Variants in CSMD1 observed in about 807,000 individuals in gnomAD.
CSMD1 encodes CUB and sushi domain-containing protein 1.
Under a neutral mutation model 417.5 loss-of-function variants are expected in CSMD1, and 213 were observed. That is an observed-to-expected ratio of 0.51 (90% CI 0.46 to 0.57). The LOEUF (loss-of-function observed/expected upper bound fraction) is 0.57, where lower values mean the gene tolerates loss of function less well. Among genes scored for constraint, CSMD1 ranks in the 20% least tolerant of loss-of-function variants. The pLI is 0.00. For synonymous variants in CSMD1, 2,862 were observed against 1,736.8 expected, an observed-to-expected ratio of 1.65 and a Z score of -16.11; for missense variants, 6,923 against 4,529.7, an observed-to-expected ratio of 1.53 and a Z score of -15.17.
chr8:3,613,788 T>C (rs1212093719), intron 8 of CSMD1, among the ~76,000 whole-genome samples: 2 of 150,986 alleles, frequency 1.3e-5, no homozygotes, highest in Non-Finnish European at 3.0e-5. Context: ...ATAAAGGGCA[T>C]CTATGAAAAA....
chr8:4,073,711 A>T (rs1312148244), intron 3 of CSMD1, among the ~76,000 whole-genome samples: 2 of 152,142 alleles, frequency 1.3e-5, no homozygotes. Flanking sequence ...ACATGCAAAT[A>T]TTGACTTGTA....
intron 1 of CSMD1, among the ~76,000 whole-genome samples, chr8:4,679,025 A>T (rs910536051): frequency 6.6e-6 from 1 of 152,178 alleles, no homozygotes; most frequent in African/African-American, 2.4e-5. Context: ...CCTGCCCAAG[A>T]TGGTTCATTG....
intron 3 of CSMD1, among the ~76,000 whole-genome samples, chr8:4,113,917 G>C (rs1349137791): frequency 2.0e-5 from 3 of 152,200 alleles, no homozygotes; most frequent in East Asian, 1.9e-4. Context: ...GAAGCCAGCA[G>C]AGACTGGTTC....
intron 2 of CSMD1, among the ~76,000 whole-genome samples, chr8:4,443,304 A>C (rs1798589875): frequency 6.6e-6 from 1 of 152,216 alleles, no homozygotes; most frequent in South Asian, 2.1e-4. Context: ...GCTAGAAAAT[A>C]AACTTAACTT....
chr8:3,491,147 G>C (rs140602521), intron 11 of CSMD1, among the ~76,000 whole-genome samples: 79 of 152,232 alleles, frequency 5.2e-4, no homozygotes, highest in Non-Finnish European at 8.8e-4. Flanking sequence ...CGGTGAGAGC[G>C]TGAGTGTCAG....
intron 5 of CSMD1, among the ~76,000 whole-genome samples, chr8:3,812,016 C>G (rs73172246): frequency 6.7e-6 from 1 of 149,922 alleles, no homozygotes; most frequent in African/African-American, 2.4e-5. Context: ...ATTTACTAAT[C>G]TTCTTATGCT....
chr8:3,018,653 A>G lies in CSMD1; in HGVS notation c.7856-3T>C, dbSNP rs764454037. 7 of 1,609,920 alleles carry G rather than the reference A, an allele frequency of 4.3e-6. No homozygotes were observed. In the East Asian group the frequency reaches 8.9e-5, roughly 21 times the overall value. ...GGAAAGGCTTCCACACGAGATAACTAGAAGGAAAAACAATAAAATGAACAT... is the reference window on the plus strand; with the variant it reads ...GGAAAGGCTTCCACACGAGATAACTGGAAGGAAAAACAATAAAATGAACAT... On this transcript the variant is annotated splice_region_variant and splice_polypyrimidine_tract_variant and intron_variant, in intron 51 of 69. Coordinates refer to ENST00000635120, the MANE Select transcript of CSMD1 (RefSeq NM_033225.6).
intron 3 of CSMD1, among the ~76,000 whole-genome samples, chr8:4,194,216 C>A (rs1018372607): frequency 2.6e-5 from 4 of 152,096 alleles, no homozygotes; most frequent in Non-Finnish European, 4.4e-5. Context: ...TTTCTTTCGT[C>A]CAGCAATCAA....
chr8:3,361,545 G>C (rs139490116), intron 20 of CSMD1, among the ~76,000 whole-genome samples: 1 of 151,044 alleles, frequency 6.6e-6, no homozygotes, highest in Non-Finnish European at 1.5e-5. Context: ...CCAGCTACTC[G>C]GGAGGCCGAG....
chr8:4,234,401 C>G (rs907583262), intron 3 of CSMD1, among the ~76,000 whole-genome samples: 2 of 152,070 alleles, frequency 1.3e-5, no homozygotes, highest in Non-Finnish European at 2.9e-5. Context: ...CATTCCTGAA[C>G]CACCTCAGTC....
intron 1 of CSMD1, among the ~76,000 whole-genome samples, chr8:4,668,549 A>G (rs1355783676): frequency 2.6e-5 from 4 of 151,186 alleles, no homozygotes; most frequent in Non-Finnish European, 4.4e-5. Flanking sequence ...TCCCTGGTTC[A>G]CGCCATTCTC....
chr8:3,245,404 C>G (rs1300085547), intron 26 of CSMD1, among the ~76,000 whole-genome samples: 45 of 152,198 alleles, frequency 3.0e-4, no homozygotes, highest in Non-Finnish European at 5.9e-5. Context: ...ACTTTTCCCC[C>G]TCTCTTTCTT....
chr8:4,802,977 T>C (rs776378029), intron 1 of CSMD1, among the ~76,000 whole-genome samples: 15 of 152,170 alleles, frequency 9.9e-5, no homozygotes, highest in Non-Finnish European at 2.1e-4. Flanking sequence ...ATTTTCAGAA[T>C]CTTTATGTTA....
intron 2 of CSMD1, among the ~76,000 whole-genome samples, chr8:4,577,993 G>A (rs1391638119): frequency 2.6e-5 from 4 of 152,182 alleles, no homozygotes; most frequent in Admixed American, 1.3e-4. Context: ...TTGGACTTTC[G>A]GGGATCACAT....
chr8:3,550,790 C>T (rs969777785), intron 10 of CSMD1, among the ~76,000 whole-genome samples: 1 of 152,202 alleles, frequency 6.6e-6, no homozygotes, highest in Non-Finnish European at 1.5e-5. Flanking sequence ...CTTCCTGGGT[C>T]ACAGACAGGC....
At chr8:3,726,831 G>T (rs547814421) in intron 6 of CSMD1, among the ~76,000 whole-genome samples, 2 of 152,118 alleles carry the variant, frequency 1.3e-5, no homozygotes, top group Non-Finnish European at 2.9e-5. Flanking sequence ...TAATCAGTTT[G>T]AGTCACTGTA....
At chr8:3,273,881 C>T (rs1189182238) in intron 26 of CSMD1, among the ~76,000 whole-genome samples, 1 of 152,074 alleles carries the variant, frequency 6.6e-6, no homozygotes, top group Non-Finnish European at 1.5e-5. Flanking sequence ...AAAACCAGCT[C>T]CTGGATTCGT....
At position 3,481,838 on chromosome 8, in the gene CSMD1, A is replaced by C. The variant is rs141399197; in HGVS notation, c.1448+11785T>G. 1.0e-3 allele frequency among the ~76,000 whole-genome samples: 155 copies of C among 152,298 alleles called. 3 individuals are homozygous for C. In the East Asian group the frequency reaches 0.026, roughly 26 times the overall value. On this transcript the variant is annotated intron_variant, in intron 11 of 69. Coordinates refer to ENST00000635120, the MANE Select transcript of CSMD1 (RefSeq NM_033225.6). ...CTTTGGAGTGATTACAGCTCTGCCC[A>C]CATGTTGATGCTGGCCTAGAAAACC...
rs141122227 is a variant in CSMD1, at chr8:4,514,695, T to C, written c.303-94630A>G. On this transcript the variant is annotated intron_variant, in intron 2 of 69. Coordinates refer to ENST00000635120, the MANE Select transcript of CSMD1 (RefSeq NM_033225.6). ...CTACATAAATAGAGTACCTGGTACC[T>C]AATATAGATACAAATTAAACCTGCT... is the stretch of plus-strand genomic sequence containing the variant. 1.2e-4 allele frequency among the ~76,000 whole-genome samples: 18 copies of C among 152,330 alleles called. No homozygotes were observed. In the East Asian group the frequency reaches 3.3e-3, roughly 28 times the overall value.
Sources: allele counts gnomAD v4.1 joint callset (sites outside exome capture counted in the v4.1 genomes callset), GRCh38; gene constraint gnomAD v4.1.1; transcripts MANE v1.5; gene names NCBI Gene and HGNC (gene_info 2026-07-23, HGNC 2026-07-21).